Variants in REV1 observed in about 807,000 individuals in gnomAD.
REV1 encodes the protein REV1 DNA directed polymerase.
Under a neutral mutation model 137.4 loss-of-function variants are expected in REV1, and 42 were observed. That is an observed-to-expected ratio of 0.31 (90% CI 0.24 to 0.40). The LOEUF (loss-of-function observed/expected upper bound fraction) is 0.40. Among genes scored for constraint, REV1 ranks in the 10% least tolerant of loss-of-function variants. The probability of loss-of-function intolerance (pLI) is 1.00; values close to 1 mark genes in which losing one functional copy is unlikely to be tolerated. For missense variants in REV1, 1,282 were observed against 1,490.1 expected, an observed-to-expected ratio of 0.86 and a Z score of 2.30; for synonymous variants, 524 against 519.2, an observed-to-expected ratio of 1.01 and a Z score of -0.12.
Position 99,424,267 on chromosome 2 carries a change from T to C in REV1, c.1561A>G (p.Lys521Glu). The change falls in exon 10 of 23, where the codon AAG (lysine) becomes GAG (glutamate). Residue 521 changes from lysine to glutamate, a missense_variant. Lys to Glu is a moderately conservative substitution (Grantham distance 56, BLOSUM62 1). Around this residue, in one of 7 missense-constraint regions of REV1, gnomAD observed 372 missense variants for 482.3 expected, o/e 0.77. Transcript: ENST00000258428. ...GCATGCCCAAAAAACATTCCGTTCT[T>C]AATGCCAAGTTGCCTAGAGCGAGAA... ...CSYEARQLGI[K>E]NGMFFGHAKQ... 1.2e-6 allele frequency: 2 copies of C among 1,613,740 alleles called. No homozygotes were observed. The highest frequency in any genetic ancestry group is 1.7e-6 in the Non-Finnish European group (2 of 1,179,868).
chr2:99,485,130 A>G (rs755314803), intron 1 of REV1, among the ~76,000 whole-genome samples: 1 of 152,226 alleles, frequency 6.6e-6, no homozygotes, highest in South Asian at 2.1e-4. Context: ...GAGAAATGAA[A>G]TAACAATCCT....
Position 99,409,862 on chromosome 2 carries a change from C to CG in REV1, c.2345+832_2345+833insC, listed in dbSNP as rs199821990. ...TGTCTCAAAACAAACAACCCCCCCC[C>CG]CCCCCAAAAAAAACAGCGTTTTTAA... On this transcript the variant is annotated intron_variant, in intron 14 of 22. Transcript: ENST00000258428. Among the ~76,000 whole-genome samples, 580 of 135,672 alleles carry CG rather than the reference C, an allele frequency of 4.3e-3. 8 individuals are homozygous for CG. The highest frequency in any genetic ancestry group is 0.011 in the Middle Eastern group (3 of 272). The allele number at this position is 135,672 out of a possible 152,430, so 89.0% of individuals were successfully genotyped here. A position where few individuals can be genotyped will look rare whatever the true frequency, so the allele number is the denominator to read the frequency against.
In REV1 at chr2:99,400,587, A is replaced by G. The variant is rs1256747321; in HGVS notation, c.*654T>C. ...TCTTTTTTATCATCAAAGTTTCTCA[A>G]TGGCCAGTAGAAGCAAAAAGACAAC... On this transcript the variant is annotated 3_prime_UTR_variant, in exon 23 of 23. Transcript: ENST00000258428. The G allele has an allele frequency of 4.6e-5, 7 of 152,164 alleles. No homozygotes were observed. Among genetic ancestry groups the G allele is most frequent in the African/African-American group, 1.7e-4 (7 of 41,432 alleles). 9.4% of individuals were successfully genotyped at this position (152,164 alleles called of 1,614,324 possible).
chr2:99,451,965 T>C (rs71413838), intron 3 of REV1, among the ~76,000 whole-genome samples: 1 of 152,122 alleles, frequency 6.6e-6, no homozygotes, highest in Admixed American at 6.5e-5. Context: ...TTTTTTTTTT[T>C]AATTTTTACA....
chr2:99,478,310 C>T (rs1686214784), intron 1 of REV1, among the ~76,000 whole-genome samples: 1 of 152,202 alleles, frequency 6.6e-6, no homozygotes, highest in Non-Finnish European at 1.5e-5. Context: ...ACTTTCCAAA[C>T]ACCTTCCCCT....
chr2:99,471,598 G>A (rs1685415854), intron 1 of REV1, among the ~76,000 whole-genome samples: 1 of 151,916 alleles, frequency 6.6e-6, no homozygotes. Context: ...GAATCACAGG[G>A]CAAAAAAGGG....
chr2:99,411,217 G>A (rs1482157231), intron 13 of REV1, among the ~76,000 whole-genome samples: 1 of 152,042 alleles, frequency 6.6e-6, no homozygotes. Flanking sequence ...GAACCCAGGA[G>A]ACGGAGGTTG....
chr2:99,459,928 G>A (rs1683991337), intron 3 of REV1, among the ~76,000 whole-genome samples: 1 of 152,110 alleles, frequency 6.6e-6, no homozygotes, highest in Non-Finnish European at 1.5e-5. Context: ...GAGCTTTAAA[G>A]GAATCAAGAA....
upstream of REV1, chr2:99,490,152 A>C (rs1336508587): frequency 2.0e-5 from 3 of 146,476 alleles, no homozygotes; most frequent in Admixed American, 6.7e-5. Flanking sequence ...GGGCGACCCC[A>C]GCCTCGGGCG....
At chr2:99,460,132 A>G (rs1684013959) in intron 3 of REV1, among the ~76,000 whole-genome samples, 1 of 152,166 alleles carries the variant, frequency 6.6e-6, no homozygotes, top group South Asian at 2.1e-4. Flanking sequence ...GCTGGAGTGC[A>G]GTGGCGCAAT....
chr2:99,482,323 G>A (rs1261590577), intron 1 of REV1, among the ~76,000 whole-genome samples: 3 of 152,282 alleles, frequency 2.0e-5, no homozygotes, highest in South Asian at 4.1e-4. Context: ...CTCTTTAATT[G>A]GCTGGTCCTG....
chr2:99,406,170 T>C (rs1676268465), intron 16 of REV1, 64 bp from the exon 17 acceptor site: 1 of 1,422,484 alleles, frequency 7.0e-7, no homozygotes. Flanking sequence ...TAATCCTCTG[T>C]CCATTACAAA....
chr2:99,420,185 G>A (rs1678473880), intron 11 of REV1, among the ~76,000 whole-genome samples: 1 of 152,252 alleles, frequency 6.6e-6, no homozygotes, highest in African/African-American at 2.4e-5. Context: ...AGGCTAGCCA[G>A]TAGCTGTAGG....
chr2:99,406,395 C>G lies in REV1; in HGVS notation c.2544G>C (p.Gly848=), dbSNP rs774765084. Reference sequence around the variant, plus strand: ...GGAAGACATCACGGACAGAGTATGACCCACTAGGAAAGTGGCTTGACTGAA... The same window carrying G: ...GGAAGACATCACGGACAGAGTATGAGCCACTAGGAAAGTGGCTTGACTGAA... ...PSVQSSHFPS[G]SYSVRDVFQV... Residue 848 remains glycine, a synonymous_variant, in exon 16 of 23, where the codon GGG becomes GGC. Coordinates refer to ENST00000258428, the MANE Select transcript of REV1 (RefSeq NM_016316.4). 3 of 1,613,738 alleles carry G rather than the reference C, an allele frequency of 1.9e-6. No individual in the cohort carries two copies.
chr2:99,465,462 T>C (rs1684687811), intron 1 of REV1, among the ~76,000 whole-genome samples: 1 of 152,232 alleles, frequency 6.6e-6, no homozygotes, highest in Non-Finnish European at 1.5e-5. Context: ...GCCAAAGCCC[T>C]AGAAGAAGTC....
chr2:99,449,758 AG>A (rs28369964), intron 3 of REV1, among the ~76,000 whole-genome samples: 41,830 of 152,116 alleles, frequency 0.27, 5,848 homozygotes, highest in Admixed American at 0.34. Context: ...CAGAGCAAAT[AG>A]GGACCTCAAG....
At chr2:99,460,477 T>C (rs985421603) in intron 3 of REV1, among the ~76,000 whole-genome samples, 2 of 152,200 alleles carry the variant, frequency 1.3e-5, no homozygotes, top group South Asian at 4.1e-4. Context: ...AATATATATA[T>C]AGGCATTTTA....
At chr2:99,450,476 G>T (rs543557391) in intron 3 of REV1, among the ~76,000 whole-genome samples, 1 of 152,196 alleles carries the variant, frequency 6.6e-6, no homozygotes, top group Non-Finnish European at 1.5e-5. Flanking sequence ...AAGCAATATA[G>T]GTCCAAGTAT....
intron 1 of REV1, among the ~76,000 whole-genome samples, chr2:99,473,569 T>C (rs1339395163): frequency 6.6e-6 from 1 of 152,176 alleles, no homozygotes; most frequent in Admixed American, 6.5e-5. Flanking sequence ...CTTTTAAAAA[T>C]ATACAAGTCT....
Sources: gnomAD v4.1 joint callset for allele counts (sites outside exome capture counted in the v4.1 genomes callset) on GRCh38, gnomAD v4.1.1 for gene constraint, gnomAD v4.1.1 regional missense constraint, MANE v1.5 for transcripts, NCBI Gene and HGNC (gene_info 2026-07-23, HGNC 2026-07-21) for gene names.